Variants in CADPS2 observed in about 807,000 individuals in gnomAD.
The protein encoded by CADPS2 is calcium-dependent secretion activator 2.
CADPS2 carries 93 observed loss-of-function variants against 172.5 expected under a neutral mutation model. The ratio of observed to expected loss-of-function variants is 0.54; its 90% CI spans 0.46 to 0.64. The LOEUF is 0.64. Ranked by LOEUF, CADPS2 falls within the 30% of genes least tolerant of loss-of-function variation. CADPS2 has a pLI of 0.00. For missense variants in CADPS2, 1,420 were observed against 1,565.9 expected, an observed-to-expected ratio of 0.91 and a Z score of 1.57; for synonymous variants, 546 against 555.2, an observed-to-expected ratio of 0.98 and a Z score of 0.23.
intron 20 of CADPS2, chr7:122,395,513 G>C (rs2044969714): frequency 6.6e-6 from 1 of 152,066 alleles, no homozygotes; most frequent in Non-Finnish European, 1.5e-5. Flanking sequence ...TTCAATCATC[G>C]AGCTAGAAGG....
intron 1 of CADPS2, among the ~76,000 whole-genome samples, chr7:122,760,323 A>ATATAGTCAACTAATTCATTT (rs2093335617): frequency 6.6e-6 from 1 of 152,118 alleles, no homozygotes; most frequent in Non-Finnish European, 1.5e-5. Flanking sequence ...TTATTTATAG[A>ATATAGTCAACTAATTCATTT]TATAGTCAAC....
At position 122,320,253 on chromosome 7, in the gene CADPS2, G is replaced by A; in HGVS notation, c.3803C>T (p.Thr1268Ile). ...AACAGAGGCTGTGGCCTCCTCTACT[G>A]TTAAACGTCTGTGCACAGTATCATA... Reference protein sequence around the residue: ...KTYDTVHRRLTVEEATASVSE... With the variant: ...KTYDTVHRRLIVEEATASVSE... Residue 1268 changes from threonine (T) to isoleucine (I), a missense_variant, in exon 30 of 30, where the codon ACA becomes ATA. Coordinates refer to ENST00000449022, the MANE Select transcript of CADPS2 (RefSeq NM_017954.11). 1 of 1,613,644 alleles carries A rather than the reference G, an allele frequency of 6.2e-7. No homozygotes were observed. Among genetic ancestry groups the A allele is most frequent in the Non-Finnish European group, 8.5e-7 (1 of 1,179,706 alleles).
chr7:122,753,996 T>C lies in CADPS2; in HGVS notation c.340-16928A>G, dbSNP rs142538989. The stretch of plus-strand genomic sequence containing the variant: ...CCTTCTTAATTTTCATTTTGGCTAA[T>C]AGGATGTGGTGCAGAGCACTCCCCA... On this transcript the variant is annotated intron_variant, in intron 1 of 29. Coordinates refer to ENST00000449022, the MANE Select transcript of CADPS2 (RefSeq NM_017954.11). Among the ~76,000 whole-genome samples the C allele has an allele frequency of 4.5e-3, 691 of 152,312 alleles. 8 individuals carry two copies. Among genetic ancestry groups the C allele is most frequent in the African/African-American group, 0.015 (644 of 41,568 alleles).
intron 2 of CADPS2, among the ~76,000 whole-genome samples, chr7:122,705,463 T>G (rs1367035892): frequency 7.4e-6 from 1 of 134,664 alleles, no homozygotes; most frequent in Admixed American, 8.6e-5. Flanking sequence ...TTATCTATAT[T>G]ATATATTATA....
intron 1 of CADPS2, among the ~76,000 whole-genome samples, chr7:122,832,883 T>A (rs183105414): frequency 0.013 from 2,052 of 152,236 alleles, 22 homozygotes; most frequent in Middle Eastern, 0.034. Context: ...GGCTTTTTTT[T>A]AAAAAAGACA....
chr7:122,783,546 G>GAC (rs1324754471), intron 1 of CADPS2, among the ~76,000 whole-genome samples: 1 of 152,146 alleles, frequency 6.6e-6, no homozygotes, highest in Non-Finnish European at 1.5e-5. Context: ...AATGTACACT[G>GAC]ACACACAGAT....
rs113078322 is a variant in CADPS2, at chr7:122,564,847, G to GCACACACA, written c.1336-10166_1336-10159dup. ...CACAGACACACACATACACACACATGCACACACACACACACACACACACAC... is the reference window on the plus strand; with the variant it reads ...CACAGACACACACATACACACACATGCACACACACACACACACACACACACACACACAC... On this transcript the variant is annotated intron_variant, in intron 7 of 29. Transcript: ENST00000449022. Among the ~76,000 whole-genome samples the GCACACACA allele has an allele frequency of 3.9e-3, 572 of 145,514 alleles. 4 individuals carry two copies. Among genetic ancestry groups the GCACACACA allele is most frequent in the African/African-American group, 9.9e-3 (398 of 40,010 alleles).
At chr7:122,478,355 C>G (rs1378679855) in intron 12 of CADPS2, among the ~76,000 whole-genome samples, 1 of 152,120 alleles carries the variant, frequency 6.6e-6, no homozygotes, top group Non-Finnish European at 1.5e-5. Context: ...CAGTATACTG[C>G]AAAACTGTCA....
chr7:122,822,866 T>C (rs868411456), intron 1 of CADPS2, among the ~76,000 whole-genome samples: 4 of 151,230 alleles, frequency 2.6e-5, no homozygotes, highest in Admixed American at 2.0e-4. Flanking sequence ...CCAAATCCTA[T>C]AAAATGGCCC....
At chr7:122,775,094 T>C (rs2093833850) in intron 1 of CADPS2, among the ~76,000 whole-genome samples, 1 of 152,226 alleles carries the variant, frequency 6.6e-6, no homozygotes, top group African/African-American at 2.4e-5. Context: ...TAGGTTGTTT[T>C]GTGTTATAAA....
intron 8 of CADPS2, among the ~76,000 whole-genome samples, chr7:122,552,606 G>T (rs913976984): frequency 9.9e-5 from 15 of 152,026 alleles, no homozygotes; most frequent in African/African-American, 3.4e-4. Flanking sequence ...CCAAGGAACT[G>T]CCAGGTAAGA....
At chr7:122,604,022 A>G (rs914621072) in intron 6 of CADPS2, among the ~76,000 whole-genome samples, 5 of 152,160 alleles carry the variant, frequency 3.3e-5, no homozygotes, top group African/African-American at 4.8e-5. Flanking sequence ...TACAATATAT[A>G]CATATATCAA....
chr7:122,490,386 G>A (rs2058177723), intron 10 of CADPS2, 105 bp from the exon 11 acceptor site: 1 of 792,776 alleles, frequency 1.3e-6, no homozygotes, highest in Non-Finnish European at 2.1e-6. Flanking sequence ...GATATTAGCA[G>A]TTAAATGTTT....
rs145512411 is a variant in CADPS2 at position 122,397,907 on chromosome 7, G to A, written c.2747-4325C>T. 6.6e-4 allele frequency among the ~76,000 whole-genome samples: 100 copies of A among 152,224 alleles called. No homozygotes were observed. The East Asian group carries it at 0.011, about 17-fold the overall frequency. On this transcript the variant is annotated intron_variant, in intron 20 of 29. Transcript: ENST00000449022. ...GAATGAGTCTCAAAAAGTGATTACC[G>A]CCTGAGGGGAAAGCCAGCACCTATT...
At chr7:122,801,677 T>C (rs968249329) in intron 1 of CADPS2, among the ~76,000 whole-genome samples, 7 of 151,894 alleles carry the variant, frequency 4.6e-5, no homozygotes, top group Non-Finnish European at 7.4e-5. Context: ...AAGAAGCATA[T>C]GTAGGAAAGA....
chr7:122,824,182 T>C (rs1176886459), intron 1 of CADPS2, among the ~76,000 whole-genome samples: 1 of 152,252 alleles, frequency 6.6e-6, no homozygotes, highest in African/African-American at 2.4e-5. Context: ...CTTATATCAT[T>C]TGATTCTCAC....
intron 1 of CADPS2, among the ~76,000 whole-genome samples, chr7:122,855,459 C>CT (rs1358063058): frequency 6.6e-6 from 1 of 152,128 alleles, no homozygotes; most frequent in African/African-American, 2.4e-5. Context: ...TCCATTCACA[C>CT]TATAAGCACA....
intron 14 of CADPS2, among the ~76,000 whole-genome samples, chr7:122,466,199 T>C (rs1162904842): frequency 6.6e-6 from 1 of 152,238 alleles, no homozygotes; most frequent in Non-Finnish European, 1.5e-5. Flanking sequence ...CTTTGCCTTG[T>C]CTCTTCCTCA....
At chr7:122,531,741 A>G (rs2061773126) in intron 8 of CADPS2, among the ~76,000 whole-genome samples, 1 of 152,144 alleles carries the variant, frequency 6.6e-6, no homozygotes, top group Non-Finnish European at 1.5e-5. Context: ...TTTAAAAAAT[A>G]CTGTTAGCAG....
Sources: allele counts gnomAD v4.1 joint callset (sites outside exome capture counted in the v4.1 genomes callset), GRCh38; gene constraint gnomAD v4.1.1; transcripts MANE v1.5; gene names NCBI Gene and HGNC (gene_info 2026-07-23, HGNC 2026-07-21).